The following TP53BP1 variants were observed in gnomAD, a reference collection of about 807,000 sequenced individuals.
The protein encoded by TP53BP1 is tumor protein p53 binding protein 1.
TP53BP1 carries 61 observed loss-of-function variants against 200.8 expected under a neutral mutation model. That is an observed-to-expected ratio of 0.30 (90% CI 0.25 to 0.38). The LOEUF (loss-of-function observed/expected upper bound fraction) is 0.38, where lower values mean the gene tolerates loss of function less well. Among genes scored for constraint, TP53BP1 ranks in the 10% least tolerant of loss-of-function variants. TP53BP1 has a pLI of 1.00. For missense variants in TP53BP1, 2,144 were observed against 2,371.9 expected (o/e 0.90, Z 2.00); for synonymous variants, 822 against 844.3 (o/e 0.97, Z 0.46).
rs1451628632 is a variant in TP53BP1 at position 43,428,047 on chromosome 15, T to C, written c.3797A>G (p.Asp1266Gly). 6.2e-7 allele frequency: 1 copy of C among 1,611,864 alleles called. No individual in the cohort carries two copies. Among genetic ancestry groups the C allele is most frequent in the South Asian group, 1.1e-5 (1 of 90,886 alleles). Residue 1266 changes from aspartate (D) to glycine (G), a missense_variant, in exon 18 of 28, where the codon GAT (aspartate) becomes GGT (glycine). By Grantham distance (94) the Asp-to-Gly change is moderately conservative. Transcript: ENST00000382044. ...TACTTTTCTTTCTACTTCTGTTCCATCCACATAATACACATCTGTAATGAC... is the reference window on the plus strand; with the variant it reads ...TACTTTTCTTTCTACTTCTGTTCCACCCACATAATACACATCTGTAATGAC... ...TRVITDVYYV[D>G]GTEVERKVTE...
At position 43,420,704 on chromosome 15, in the gene TP53BP1, C is replaced by G. The variant is rs771580128; in HGVS notation, c.4282G>C (p.Glu1428Gln). 2.5e-6 allele frequency: 4 copies of G among 1,614,112 alleles called. No individual in the cohort carries two copies. The highest frequency in any genetic ancestry group is 3.4e-6 in the Non-Finnish European group (4 of 1,179,986). The change falls in exon 21 of 28, where the codon GAG becomes CAG. Residue 1428 changes from glutamate (E) to glutamine (Q), a missense_variant. Glu to Gln is a conservative substitution (Grantham distance 29). Coordinates refer to ENST00000382044, the MANE Select transcript of TP53BP1 (RefSeq NM_001141980.3). ...GGTGACAAGTTAGGTGAAATGTCCT[C>G]TATGCCCAAGGGGCCAGGCACAGCT... ...ETAVPGPLGI[E>Q]DISPNLSPDD...
chr15:43,509,139 G>A (rs1267985755), intron 1 of TP53BP1, among the ~76,000 whole-genome samples: 4 of 133,076 alleles, frequency 3.0e-5, no homozygotes, highest in African/African-American at 1.1e-4. Context: ...TTGCAGAAGA[G>A]GAGGCCTGTA....
chr15:43,461,782 C>G (rs2444249), intron 11 of TP53BP1, among the ~76,000 whole-genome samples: 42,584 of 151,264 alleles, frequency 0.28, 10,179 homozygotes, highest in African/African-American at 0.65. Context: ...GATTTTCCTG[C>G]CTCAGCCTCC....
Position 43,420,450 on chromosome 15 carries a change from TG to T in TP53BP1, c.4535del (p.Thr1512AsnfsTer38). 6.2e-7 allele frequency: 1 copy of T among 1,614,200 alleles called. No individual in the cohort carries two copies. The highest frequency in any genetic ancestry group is 2.2e-5 in the East Asian group (1 of 44,876). On this transcript the variant is annotated frameshift_variant, in exon 21 of 28. Coordinates refer to ENST00000382044, the MANE Select transcript of TP53BP1 (RefSeq NM_001141980.3). LOFTEE classifies it high-confidence loss of function. ...SNGYFYSGKI[T>X]RDVGAGKYKL... ...TATACTTCCCAGCTCCGACATCTCGTGTGATTTTCCCAGAGTAAAAGTAGCC... is the reference window on the plus strand; with the variant it reads ...TATACTTCCCAGCTCCGACATCTCGTTGATTTTCCCAGAGTAAAAGTAGCC...
chr15:43,441,491 G>C, intron 15 of TP53BP1, 35 bp downstream of exon 15: 1 of 1,425,252 alleles, frequency 7.0e-7, no homozygotes, highest in Non-Finnish European at 9.9e-7. Context: ...CAGTAGCTGT[G>C]TATTAAACTC....
intron 4 of TP53BP1, among the ~76,000 whole-genome samples, chr15:43,485,746 G>A (rs1378314732): frequency 2.0e-5 from 3 of 151,616 alleles, no homozygotes; most frequent in African/African-American, 4.9e-5. Context: ...AGGAGGCTGA[G>A]GGACAAGGAT....
chr15:43,447,245 C>G, intron 13 of TP53BP1, 121 bp downstream of exon 13: 1 of 1,036,388 alleles, frequency 9.6e-7, no homozygotes, highest in Non-Finnish European at 1.4e-6. Flanking sequence ...ACCCTATTTT[C>G]CCTAAAACAA....
chr15:43,421,750 A>C, intron 19 of TP53BP1, 105 bp downstream of exon 19: 1 of 1,455,526 alleles, frequency 6.9e-7, no homozygotes, highest in South Asian at 1.3e-5. Context: ...TTTATCTTTA[A>C]TGGAGGATGG....
In TP53BP1 at chr15:43,416,424, G is replaced by A. The variant is rs985073329; in HGVS notation, c.4682-8C>T. 2.7e-5 allele frequency: 44 copies of A among 1,611,982 alleles called. No individual in the cohort carries two copies. Among genetic ancestry groups the A allele is most frequent in the Non-Finnish European group, 3.5e-5 (41 of 1,179,066 alleles). The stretch of plus-strand genomic sequence containing the variant: ...TATGTCCTTTCACCACTCCTGGGGG[G>A]TGGAAAGCATAAAAGAAGCTTGCTG... On this transcript the variant is annotated splice_polypyrimidine_tract_variant and splice_region_variant and intron_variant, in intron 21 of 27. Coordinates refer to ENST00000382044, the MANE Select transcript of TP53BP1 (RefSeq NM_001141980.3).
chr15:43,475,775 A>G, intron 8 of TP53BP1, 81 bp from the exon 9 acceptor site: 1 of 1,485,414 alleles, frequency 6.7e-7, no homozygotes, highest in East Asian at 2.3e-5. Flanking sequence ...GCAAAGAGTA[A>G]TATCCATATT....
chr15:43,493,268 T>A, upstream of TP53BP1: 1 of 1,400,842 alleles, frequency 7.1e-7, no homozygotes, highest in Non-Finnish European at 9.3e-7. Flanking sequence ...CTGCCCCACG[T>A]AAGAAAAAGG....
chr15:43,433,385 T>C (rs989183743), intron 16 of TP53BP1, among the ~76,000 whole-genome samples: 10 of 152,156 alleles, frequency 6.6e-5, no homozygotes, highest in Admixed American at 1.3e-4. Context: ...ACAAACCACA[T>C]ACCACGATTT....
chr15:43,418,774 A>G (rs1053336824), intron 21 of TP53BP1, among the ~76,000 whole-genome samples: 1 of 152,260 alleles, frequency 6.6e-6, no homozygotes, highest in African/African-American at 2.4e-5. Flanking sequence ...CCAGAGAATA[A>G]GTGGTAGATG....
intron 12 of TP53BP1, among the ~76,000 whole-genome samples, chr15:43,451,615 T>C (rs1365290863): frequency 6.6e-6 from 1 of 152,210 alleles, no homozygotes; most frequent in Non-Finnish European, 1.5e-5. Flanking sequence ...TCCAAGTCTT[T>C]GCTATTGTGA....
At chr15:43,478,363 G>A (rs2078913957) in intron 7 of TP53BP1, among the ~76,000 whole-genome samples, 1 of 152,192 alleles carries the variant, frequency 6.6e-6, no homozygotes, top group African/African-American at 2.4e-5. Flanking sequence ...ATGGAAGGCA[G>A]CATCTAAAAG....
intron 21 of TP53BP1, chr15:43,416,627 T>C (rs2045271792): frequency 4.9e-6 from 2 of 404,728 alleles, no homozygotes; most frequent in African/African-American, 4.1e-5. Flanking sequence ...ACAAGGAAAG[T>C]TTCTTGACAG....
chr15:43,404,073 C>G lies in TP53BP1; in HGVS notation c.*3310G>C, dbSNP rs1004181300. On this transcript the variant is annotated 3_prime_UTR_variant, in exon 28 of 28. Coordinates refer to ENST00000382044, the MANE Select transcript of TP53BP1 (RefSeq NM_001141980.3). Reference sequence around the variant, plus strand: ...GTTCTAACTTCCTCACATCCTCCCCCCTCCTTACTTCCTTGAACTAACCCC... The same window carrying G: ...GTTCTAACTTCCTCACATCCTCCCCGCTCCTTACTTCCTTGAACTAACCCC... 5.7e-5 allele frequency: 30 copies of G among 524,564 alleles called. No homozygotes were observed. The highest frequency in any genetic ancestry group is 5.0e-4 in the East Asian group (16 of 31,944). The allele number at this position is 524,564 out of a possible 1,614,324, so 32.5% of individuals were successfully genotyped here.
chr15:43,462,281 A>G (rs1595587038), intron 11 of TP53BP1, among the ~76,000 whole-genome samples: 1 of 146,232 alleles, frequency 6.8e-6, no homozygotes, highest in East Asian at 2.1e-4. Context: ...CTGAGGTAGA[A>G]TAACTAATGA....
intron 21 of TP53BP1, among the ~76,000 whole-genome samples, chr15:43,419,960 AC>A (rs1198226864): frequency 6.6e-6 from 1 of 152,186 alleles, no homozygotes; most frequent in East Asian, 1.9e-4. Flanking sequence ...ATAGTAATAC[AC>A]CAAGGTTGGA....
Sources: gnomAD v4.1 joint callset for allele counts (sites outside exome capture counted in the v4.1 genomes callset) on GRCh38, gnomAD v4.1.1 for gene constraint, MANE v1.5 for transcripts, NCBI Gene and HGNC (gene_info 2026-07-23, HGNC 2026-07-21) for gene names.